CYB5A: variants seen among roughly 807,000 people sequenced by gnomAD.
CYB5A encodes the protein cytochrome b5 type A.
Under a neutral mutation model 16.2 loss-of-function variants are expected in CYB5A, and 10 were observed. The observed-to-expected ratio is 0.62, with a 90% CI of 0.38 to 1.04. The LOEUF is 1.04. Among genes scored for constraint, CYB5A ranks in the 50% least tolerant of loss-of-function variants. The probability of loss-of-function intolerance (pLI) is 0.01; values close to 1 mark genes in which losing one functional copy is unlikely to be tolerated. For synonymous variants in CYB5A, 62 were observed against 57.0 expected (o/e 1.09, Z -0.40); for missense variants, 161 against 165.9 (o/e 0.97, Z 0.16).
intron 3 of CYB5A, chr18:74,257,936 T>C (rs74259236): frequency 0.11 from 16,484 of 152,220 alleles, 988 homozygotes; most frequent in South Asian, 0.21. Flanking sequence ...AAAATAAGTA[T>C]GTCATGCATA....
intron 1 of CYB5A, among the ~76,000 whole-genome samples, chr18:74,282,761 G>A (rs949100078): frequency 1.3e-5 from 2 of 152,206 alleles, no homozygotes; most frequent in Admixed American, 6.5e-5. Context: ...TTAGCAGGGA[G>A]GACACAGTGT....
chr18:74,256,876 G>A, intron 3 of CYB5A: 1 of 1,612,120 alleles, frequency 6.2e-7, no homozygotes, highest in Non-Finnish European at 8.5e-7. Flanking sequence ...GGGAAAAAAG[G>A]TAAGTCATTT....
At chr18:74,266,664 C>T (rs1357735585) in intron 1 of CYB5A, among the ~76,000 whole-genome samples, 1 of 151,626 alleles carries the variant, frequency 6.6e-6, no homozygotes, top group African/African-American at 2.4e-5. Flanking sequence ...TGACCAAGAA[C>T]AGCAACAAGG....
At chr18:74,256,263 A>G (rs989832904) in intron 3 of CYB5A, 1 of 169,966 alleles carries the variant, frequency 5.9e-6, no homozygotes, top group African/African-American at 2.4e-5. Flanking sequence ...AAAAAAGAGG[A>G]CTGCCATTTT....
chr18:74,274,451 C>A (rs754382852), intron 1 of CYB5A, among the ~76,000 whole-genome samples: 1 of 152,138 alleles, frequency 6.6e-6, no homozygotes, highest in South Asian at 2.1e-4. Flanking sequence ...CTACTTGATA[C>A]AGATGATTTC....
At chr18:74,257,261 A>C in intron 3 of CYB5A, 1 of 254,254 alleles carries the variant, frequency 3.9e-6, no homozygotes, top group South Asian at 4.8e-5. Context: ...TTACCATGGG[A>C]GAGCGCTAAG....
Position 74,253,396 on chromosome 18 carries a change from C to T in CYB5A, c.*188G>A, listed in dbSNP as rs1247184963. 8 of 520,410 alleles carry T rather than the reference C, an allele frequency of 1.5e-5. No individual in the cohort carries two copies. Among genetic ancestry groups the T allele is most frequent in the East Asian group, 3.5e-5 (1 of 28,558 alleles). The allele number at this position is 520,410 out of a possible 1,614,324, so 32.2% of individuals were successfully genotyped here. A position where few individuals can be genotyped will look rare whatever the true frequency, so the allele number is the denominator to read the frequency against. ...TAAAGTAGATGAATAAAAAGGCACACTCGAAAAATTTGAGCGCAGAAAGGA... is the reference window on the plus strand; with the variant it reads ...TAAAGTAGATGAATAAAAAGGCACATTCGAAAAATTTGAGCGCAGAAAGGA... On this transcript the variant is annotated 3_prime_UTR_variant, in exon 5 of 5. Coordinates refer to ENST00000340533, the MANE Select transcript of CYB5A (RefSeq NM_148923.4).
chr18:74,256,937 G>T, intron 3 of CYB5A: 1 of 1,227,620 alleles, frequency 8.1e-7, no homozygotes, highest in Non-Finnish European at 1.2e-6. Context: ...TAAAATCTTA[G>T]CATCTATAAA....
At chr18:74,284,787 C>T (rs1295363928) in intron 1 of CYB5A, among the ~76,000 whole-genome samples, 2 of 152,202 alleles carry the variant, frequency 1.3e-5, no homozygotes, top group Non-Finnish European at 2.9e-5. Flanking sequence ...AGCGTCAGTG[C>T]TGGTTCAGAT....
At chr18:74,272,087 A>G (rs958610605) in intron 1 of CYB5A, among the ~76,000 whole-genome samples, 1 of 152,228 alleles carries the variant, frequency 6.6e-6, no homozygotes, top group African/African-American at 2.4e-5. Context: ...CTTTGTGCTA[A>G]TAACTCTTTG....
chr18:74,279,276 C>T (rs1982997864), intron 1 of CYB5A, among the ~76,000 whole-genome samples: 1 of 152,230 alleles, frequency 6.6e-6, no homozygotes, highest in South Asian at 2.1e-4. Context: ...GCCTATAACC[C>T]CAGCACTCTG....
intron 1 of CYB5A, among the ~76,000 whole-genome samples, chr18:74,281,749 G>C (rs1453452942): frequency 1.3e-5 from 2 of 150,348 alleles, no homozygotes; most frequent in Admixed American, 1.3e-4. Flanking sequence ...GAGGCTGTGT[G>C]TGTGTGTGTG....
At chr18:74,270,298 T>C (rs1194890935) in intron 1 of CYB5A, among the ~76,000 whole-genome samples, 1 of 152,144 alleles carries the variant, frequency 6.6e-6, no homozygotes, top group Admixed American at 6.5e-5. Context: ...CTGACGCCTG[T>C]AATCCCAACA....
At chr18:74,285,732 A>G (rs1446334317) in intron 1 of CYB5A, among the ~76,000 whole-genome samples, 4 of 151,628 alleles carry the variant, frequency 2.6e-5, no homozygotes, top group Non-Finnish European at 5.9e-5. Context: ...ATGGTGGCTC[A>G]TGCCTGTGGT....
intron 1 of CYB5A, among the ~76,000 whole-genome samples, chr18:74,291,402 G>A (rs1356670009): frequency 1.8e-5 from 2 of 112,784 alleles, no homozygotes; most frequent in African/African-American, 5.5e-5. Context: ...GTGTACACGC[G>A]CAGGTGTGCG....
intron 3 of CYB5A, chr18:74,257,166 C>T (rs1292777774): frequency 8.1e-6 from 3 of 369,288 alleles, no homozygotes; most frequent in African/African-American, 2.1e-5. Flanking sequence ...CAAACATCCA[C>T]GGCGTCGTTA....
intron 1 of CYB5A, among the ~76,000 whole-genome samples, chr18:74,275,183 G>T (rs568702761): frequency 6.6e-6 from 1 of 152,290 alleles, no homozygotes; most frequent in African/African-American, 2.4e-5. Flanking sequence ...GGGTGGAATT[G>T]TTCATTGCTC....
chr18:74,264,601 AAAAAC>A (rs968551811), intron 1 of CYB5A, among the ~76,000 whole-genome samples: 46 of 152,336 alleles, frequency 3.0e-4, no homozygotes, highest in African/African-American at 1.1e-3. Flanking sequence ...TCTGGTAGGT[AAAAAC>A]AAAACAAAAC....
intron 2 of CYB5A, among the ~76,000 whole-genome samples, chr18:74,261,928 GCACCAC>G (rs1982217096): frequency 6.6e-6 from 1 of 152,166 alleles, no homozygotes; most frequent in Non-Finnish European, 1.5e-5. Context: ...TGCTAACCAT[GCACCAC>G]AAGTGGGAAG....
Sources: gnomAD v4.1 joint callset for allele counts (sites outside exome capture counted in the v4.1 genomes callset) on GRCh38, gnomAD v4.1.1 for gene constraint, MANE v1.5 for transcripts, NCBI Gene and HGNC (gene_info 2026-07-23, HGNC 2026-07-21) for gene names.